Variants in RASA1 observed in about 807,000 individuals in gnomAD.
RASA1 encodes ras GTPase-activating protein 1.
RASA1 carries 25 observed loss-of-function variants against 132.2 expected under a neutral mutation model. The observed-to-expected ratio is 0.19, with a 90% CI of 0.14 to 0.26. The LOEUF (loss-of-function observed/expected upper bound fraction) is 0.26. Ranked by LOEUF, RASA1 falls within the 10% of genes least tolerant of loss-of-function variation. The pLI is 1.00. For synonymous variants in RASA1, 477 were observed against 449.9 expected, an observed-to-expected ratio of 1.06 and a Z score of -0.76; for missense variants, 964 against 1,299.2, an observed-to-expected ratio of 0.74 and a Z score of 3.97.
chr5:87,331,410 C>G lies in RASA1; in HGVS notation c.602C>G (p.Ser201Cys), dbSNP rs760186488. 2 of 1,613,602 alleles carry G rather than the reference C, an allele frequency of 1.2e-6. No individual in the cohort carries two copies. The highest frequency in any genetic ancestry group is 2.2e-5 in the South Asian group (2 of 91,076). The change falls in exon 2 of 25, where the codon TCT becomes TGT. Residue 201 changes from serine to cysteine, a missense_variant. Coordinates refer to ENST00000274376, the MANE Select transcript of RASA1 (RefSeq NM_002890.3). ...GAACGCCTCAGGCAGGCAGGGAAGTCTGGCAGTTATCTTATAAGAGAGAGT... is the reference window on the plus strand; with the variant it reads ...GAACGCCTCAGGCAGGCAGGGAAGTGTGGCAGTTATCTTATAAGAGAGAGT... ...AEERLRQAGK[S>C]GSYLIRESDR...
chr5:87,274,016 A>G (rs1031147637), intron 1 of RASA1, among the ~76,000 whole-genome samples: 10 of 152,182 alleles, frequency 6.6e-5, no homozygotes, highest in Admixed American at 3.3e-4. Context: ...TTTCATATTT[A>G]AGAAGTCTCA....
chr5:87,283,291 A>G (rs1328834528), intron 1 of RASA1, among the ~76,000 whole-genome samples: 1 of 151,810 alleles, frequency 6.6e-6, no homozygotes, highest in Admixed American at 6.6e-5. Flanking sequence ...TTTTAATGAT[A>G]GCTGATTGAA....
rs199733745 is a variant in RASA1 at position 87,385,336 on chromosome 5, T to C, written c.2794T>C (p.Leu932=). Residue 932 remains leucine (L), a synonymous_variant, in exon 22 of 25, where the codon TTA becomes CTA. Transcript: ENST00000274376. ...PSPIAARTLI[L]VAKSVQNLAN... Reference sequence around the variant, plus strand: ...TCCTATTGCTGCAAGAACACTGATATTAGTGGCTAAATCTGTGCAGAACTT... The same window carrying C: ...TCCTATTGCTGCAAGAACACTGATACTAGTGGCTAAATCTGTGCAGAACTT... The C allele has an allele frequency of 6.8e-6, 11 of 1,611,650 alleles. No individual in the cohort carries two copies. The highest frequency in any genetic ancestry group is 6.7e-5 in the Admixed American group (4 of 59,928).
intron 1 of RASA1, among the ~76,000 whole-genome samples, chr5:87,287,393 TACCATATATACAC>T (rs1203817978): frequency 1.4e-5 from 2 of 144,546 alleles, no homozygotes; most frequent in Admixed American, 6.9e-5. Context: ...ACCATATATA[TACCATATATACAC>T]ACCATATATA....
intron 1 of RASA1, among the ~76,000 whole-genome samples, chr5:87,289,391 G>A (rs1754816582): frequency 6.6e-6 from 1 of 152,030 alleles, no homozygotes; most frequent in African/African-American, 2.4e-5. Context: ...AGTACCCATT[G>A]GTTTTAATAG....
intron 1 of RASA1, among the ~76,000 whole-genome samples, chr5:87,292,076 C>T (rs1284155340): frequency 6.6e-6 from 1 of 152,134 alleles, no homozygotes. Context: ...CAGTCCTTTA[C>T]CAGATGTGTC....
Position 87,380,512 on chromosome 5 carries a change from A to G in RASA1, c.2607A>G (p.Thr869=), listed in dbSNP as rs1761635303. Residue 869 remains threonine (T), a synonymous_variant, in exon 20 of 25, where the codon ACA becomes ACG. Transcript: ENST00000274376. ...GATGATTGTGTTATTTTGGCAGGACATTGAGATATATTTATGGGTGTTTAC... is the reference window on the plus strand; with the variant it reads ...GATGATTGTGTTATTTTGGCAGGACGTTGAGATATATTTATGGGTGTTTAC... ...IFMASEILPP[T]LRYIYGCLQK... The G allele has an allele frequency of 6.2e-7, 1 of 1,611,722 alleles. No homozygotes were observed. The highest frequency in any genetic ancestry group is 8.5e-7 in the Non-Finnish European group (1 of 1,177,978).
At chr5:87,345,160 A>G (rs1758763678) in intron 6 of RASA1, among the ~76,000 whole-genome samples, 1 of 152,126 alleles carries the variant, frequency 6.6e-6, no homozygotes, top group South Asian at 2.1e-4. Flanking sequence ...TAGGAACTTT[A>G]TAAGAGCAGG....
chr5:87,336,429 A>T (rs1757974715), intron 4 of RASA1, among the ~76,000 whole-genome samples: 1 of 152,096 alleles, frequency 6.6e-6, no homozygotes, highest in Non-Finnish European at 1.5e-5. Context: ...TGATGATATA[A>T]ATTTGGATTT....
At chr5:87,347,381 C>A (rs1758939375) in intron 7 of RASA1, among the ~76,000 whole-genome samples, 2 of 151,926 alleles carry the variant, frequency 1.3e-5, no homozygotes, top group African/African-American at 4.8e-5. Context: ...ACCATCCTGT[C>A]ATTGTTTATT....
intron 11 of RASA1, chr5:87,366,292 A>G: frequency 2.9e-6 from 1 of 341,182 alleles, no homozygotes; most frequent in Non-Finnish European, 6.1e-6. Flanking sequence ...TGAATATTGC[A>G]ATATCTGTAA....
At chr5:87,362,757 A>C in intron 10 of RASA1, 86 bp downstream of exon 10, 1 of 1,467,706 alleles carries the variant, frequency 6.8e-7, no homozygotes, top group Non-Finnish European at 9.5e-7. Flanking sequence ...ATATTTAATA[A>C]GTTTTGACAT....
Position 87,270,449 on chromosome 5 carries a change from G to A in RASA1, c.539+1459G>A, listed in dbSNP as rs575774609. ...TGCAACCTCCGCCTCCCGGGTTCAA[G>A]AGATTCTCCTGCTTCAGCCTCTCTA... On this transcript the variant is annotated intron_variant, in intron 1 of 24. Coordinates refer to ENST00000274376, the MANE Select transcript of RASA1 (RefSeq NM_002890.3). 3.3e-5 allele frequency among the ~76,000 whole-genome samples: 5 copies of A among 149,952 alleles called. No homozygotes were observed. In the South Asian group the frequency reaches 1.1e-3, roughly 32 times the overall value.
At position 87,268,691 on chromosome 5, in the gene RASA1, A is replaced by C. The variant is rs1331807756; in HGVS notation, c.240A>C (p.Ala80=). ...TAGGAGCCGGGTCTGTGGCAGGGGC[A>C]CTGGGGGGAGCTGGACTGACAGGGG... ...EFLGAGSVAG[A]LGGAGLTGGG... Residue 80 remains alanine (A), a synonymous_variant, in exon 1 of 25, where the codon GCA becomes GCC. Coordinates refer to ENST00000274376, the MANE Select transcript of RASA1 (RefSeq NM_002890.3). 1 of 1,611,404 alleles carries C rather than the reference A, an allele frequency of 6.2e-7. No individual in the cohort carries two copies. Among genetic ancestry groups the C allele is most frequent in the Non-Finnish European group, 8.5e-7 (1 of 1,179,026 alleles).
chr5:87,375,773 C>G (rs1761282395), intron 15 of RASA1, among the ~76,000 whole-genome samples: 1 of 152,124 alleles, frequency 6.6e-6, no homozygotes, highest in Admixed American at 6.6e-5. Context: ...CTTCTTAAAA[C>G]TCAGGCTTAG....
chr5:87,284,053 A>G (rs986162292), intron 1 of RASA1, among the ~76,000 whole-genome samples: 6 of 152,172 alleles, frequency 3.9e-5, no homozygotes, highest in African/African-American at 1.4e-4. Context: ...TTTTTGACAG[A>G]TTTTTAAATC....
intron 1 of RASA1, among the ~76,000 whole-genome samples, chr5:87,312,287 C>G (rs1241976270): frequency 6.6e-6 from 1 of 152,154 alleles, no homozygotes; most frequent in African/African-American, 2.4e-5. Context: ...AATGCAGAAA[C>G]AGATAAGGAA....
intron 1 of RASA1, among the ~76,000 whole-genome samples, chr5:87,327,538 T>C (rs1414001509): frequency 4.6e-5 from 7 of 152,176 alleles, no homozygotes; most frequent in Non-Finnish European, 1.0e-4. Flanking sequence ...GATTGGAGGT[T>C]TCTTGGGTTT....
At chr5:87,302,204 G>T (rs1020911296) in intron 1 of RASA1, among the ~76,000 whole-genome samples, 6 of 152,068 alleles carry the variant, frequency 3.9e-5, no homozygotes, top group Non-Finnish European at 8.8e-5. Flanking sequence ...TGAACATTTA[G>T]TATTGTTTAC....
Sources: allele counts gnomAD v4.1 joint callset (sites outside exome capture counted in the v4.1 genomes callset), GRCh38; gene constraint gnomAD v4.1.1; transcripts MANE v1.5; gene names NCBI Gene and HGNC (gene_info 2026-07-23, HGNC 2026-07-21).